FOXN3: variants seen among roughly 807,000 people sequenced by gnomAD.
FOXN3 encodes forkhead box N3, also known as forkhead box protein N3.
Under a neutral mutation model 38.4 loss-of-function variants are expected in FOXN3, and 7 were observed. The ratio of observed to expected loss-of-function variants is 0.18; its 90% CI spans 0.10 to 0.34. FOXN3 has a LOEUF of 0.34. FOXN3 is among the 10% of genes least tolerant of loss of function. FOXN3 has a pLI of 1.00. For missense variants in FOXN3, 456 were observed against 613.4 expected (o/e 0.74, Z 2.71); for synonymous variants, 230 against 242.2 (o/e 0.95, Z 0.47).
At position 89,199,297 on chromosome 14, in the gene FOXN3, G is replaced by A. The variant is rs575200265; in HGVS notation, c.746-18491C>T. The stretch of plus-strand genomic sequence containing the variant: ...GAGACAAAGTGACGCCAGTGAGCCC[G>A]GTGCACAAGCTTCTGATGAGCAGGA... On this transcript the variant is annotated intron_variant, in intron 4 of 5. Coordinates refer to ENST00000557258, the MANE Select transcript of FOXN3 (RefSeq NM_005197.4). Among the ~76,000 whole-genome samples, 46 of 152,248 alleles carry A rather than the reference G, an allele frequency of 3.0e-4. 1 individual carries two copies. Among genetic ancestry groups the A allele is most frequent in the African/African-American group, 9.9e-4 (41 of 41,536 alleles).
intron 1 of FOXN3, among the ~76,000 whole-genome samples, chr14:89,579,507 A>C (rs1024018947): frequency 6.6e-6 from 1 of 152,112 alleles, no homozygotes; most frequent in Non-Finnish European, 1.5e-5. Flanking sequence ...TTCACATAAA[A>C]TCCTCTAGTA....
At chr14:89,274,713 G>A (rs945711613) in intron 4 of FOXN3, among the ~76,000 whole-genome samples, 4 of 152,164 alleles carry the variant, frequency 2.6e-5, no homozygotes, top group Admixed American at 2.0e-4. Flanking sequence ...TGAGAGTATC[G>A]AGTACAGCTT....
In FOXN3 at chr14:89,176,024, C is replaced by T. The variant is rs113599019; in HGVS notation, c.851+4677G>A. ...CAAGGGATTTTCCTGGGAAAGCAGCCGAAGACACAGGCATAAAACTTTAAG... is the reference window on the plus strand; with the variant it reads ...CAAGGGATTTTCCTGGGAAAGCAGCTGAAGACACAGGCATAAAACTTTAAG... On this transcript the variant is annotated intron_variant, in intron 5 of 5. Transcript: ENST00000557258. Among the ~76,000 whole-genome samples, 1,087 of 152,202 alleles carry T rather than the reference C, an allele frequency of 7.1e-3. 17 individuals carry two copies. Among genetic ancestry groups the T allele is most frequent in the African/African-American group, 0.025 (1,030 of 41,524 alleles).
chr14:89,508,797 G>T (rs1894000284), intron 1 of FOXN3, among the ~76,000 whole-genome samples: 1 of 152,148 alleles, frequency 6.6e-6, no homozygotes, highest in African/African-American at 2.4e-5. Context: ...TTTTTAACAA[G>T]CACTCAGGAG....
chr14:89,550,142 A>G (rs1367028043), intron 1 of FOXN3, among the ~76,000 whole-genome samples: 1 of 152,100 alleles, frequency 6.6e-6, no homozygotes, highest in Admixed American at 6.5e-5. Flanking sequence ...CTGAGCACCC[A>G]TGAGCTCCAA....
At chr14:89,593,309 T>C (rs563937804) in intron 1 of FOXN3, among the ~76,000 whole-genome samples, 1 of 150,808 alleles carries the variant, frequency 6.6e-6, no homozygotes, top group African/African-American at 2.5e-5. Flanking sequence ...AGAAAACAAA[T>C]ATATATAAAT....
intron 2 of FOXN3, among the ~76,000 whole-genome samples, chr14:89,408,958 A>G (rs1001984241): frequency 7.2e-5 from 11 of 152,176 alleles, no homozygotes; most frequent in Non-Finnish European, 1.0e-4. Context: ...ATGCCATAGT[A>G]GCATACCCCA....
chr14:89,395,069 T>C (rs1159150066), intron 2 of FOXN3, among the ~76,000 whole-genome samples: 4 of 152,218 alleles, frequency 2.6e-5, no homozygotes, highest in Admixed American at 6.5e-5. Flanking sequence ...ATGTGCAACA[T>C]TGTTATGTAA....
At chr14:89,309,342 G>A (rs1429021446) in intron 3 of FOXN3, among the ~76,000 whole-genome samples, 1 of 152,106 alleles carries the variant, frequency 6.6e-6, no homozygotes, top group Non-Finnish European at 1.5e-5. Flanking sequence ...TAGGGGAGGT[G>A]TGTTCCAGGA....
intron 1 of FOXN3, among the ~76,000 whole-genome samples, chr14:89,482,968 G>A (rs1289342721): frequency 6.6e-6 from 1 of 151,914 alleles, no homozygotes; most frequent in Non-Finnish European, 1.5e-5. Context: ...AGCACTTTGG[G>A]AGACCAAGGT....
At chr14:89,388,208 G>A (rs547995465) in intron 2 of FOXN3, among the ~76,000 whole-genome samples, 8 of 152,128 alleles carry the variant, frequency 5.3e-5, no homozygotes, top group Non-Finnish European at 1.2e-4. Flanking sequence ...CTAAATGGGC[G>A]AACACACACT....
intron 1 of FOXN3, among the ~76,000 whole-genome samples, chr14:89,446,087 C>CAAAAAAAAAAAA (rs576883864): frequency 0.063 from 2,506 of 40,018 alleles, 431 homozygotes; most frequent in Non-Finnish European, 0.071. Context: ...GACCCTGCCT[C>CAAAAAAAAAAAA]AAAAAAAAAA....
chr14:89,403,534 C>T (rs777377674), intron 2 of FOXN3, among the ~76,000 whole-genome samples: 1 of 152,240 alleles, frequency 6.6e-6, no homozygotes, highest in Non-Finnish European at 1.5e-5. Context: ...GGTCAGAGTG[C>T]CAACTTCCTA....
intron 4 of FOXN3, among the ~76,000 whole-genome samples, chr14:89,232,011 G>A (rs112837463): frequency 6.6e-5 from 10 of 152,330 alleles, no homozygotes; most frequent in African/African-American, 2.4e-4. Flanking sequence ...GGGAAGGCGT[G>A]GAGCTAAGCC....
chr14:89,272,259 G>C (rs996238393), intron 4 of FOXN3, among the ~76,000 whole-genome samples: 5 of 152,086 alleles, frequency 3.3e-5, no homozygotes, highest in African/African-American at 1.2e-4. Context: ...GTTGCAGTGA[G>C]CTGAGATCGC....
chr14:89,296,482 T>G (rs909272891), intron 3 of FOXN3, among the ~76,000 whole-genome samples: 1 of 152,198 alleles, frequency 6.6e-6, no homozygotes. Flanking sequence ...TAGATGCAAA[T>G]GAGCCTACTA....
chr14:89,309,983 A>G (rs1341564498), intron 3 of FOXN3, among the ~76,000 whole-genome samples: 1 of 152,204 alleles, frequency 6.6e-6, no homozygotes, highest in Admixed American at 6.5e-5. Context: ...CTGTGTGAAA[A>G]TAGAACGTCG....
At chr14:89,209,631 A>G (rs1165379203) in intron 4 of FOXN3, among the ~76,000 whole-genome samples, 1 of 152,224 alleles carries the variant, frequency 6.6e-6, no homozygotes, top group African/African-American at 2.4e-5. Context: ...TGTTCTCTAT[A>G]TTTGTAAACA....
rs1254479539 is a variant in FOXN3, at chr14:89,350,716, T to C, written c.636A>G (p.Pro212=). ...ALKKTPYHPH[P]HVFNTPPTCP... is the part of the protein sequence containing the mutation. Reference sequence around the variant, plus strand: ...AGGTGGGAGGTGTATTGAACACGTGTGGGTGTGGGTGATAAGGTGTCTTTT... The same window carrying C: ...AGGTGGGAGGTGTATTGAACACGTGCGGGTGTGGGTGATAAGGTGTCTTTT... Residue 212 remains proline, a synonymous_variant, in exon 3 of 6, where the codon CCA becomes CCG. Coordinates refer to ENST00000557258, the MANE Select transcript of FOXN3 (RefSeq NM_005197.4). 1 of 1,601,672 alleles carries C rather than the reference T, an allele frequency of 6.2e-7. No individual in the cohort carries two copies. Among genetic ancestry groups the C allele is most frequent in the Non-Finnish European group, 8.5e-7 (1 of 1,175,456 alleles).
Sources: gnomAD v4.1 joint callset for allele counts (sites outside exome capture counted in the v4.1 genomes callset) on GRCh38, gnomAD v4.1.1 for gene constraint, MANE v1.5 for transcripts, NCBI Gene and HGNC (gene_info 2026-07-23, HGNC 2026-07-21) for gene names.